ZNF728: variants seen among roughly 807,000 people sequenced by gnomAD.
ZNF728 encodes the protein zinc finger protein 728.
A neutral mutation model predicts 12.5 loss-of-function variants in ZNF728; 12 were observed. That is an observed-to-expected ratio of 0.96 (90% CI 0.61 to 1.55). The LOEUF (loss-of-function observed/expected upper bound fraction) is 1.55. Ranked by LOEUF, ZNF728 falls within the 40% of genes most tolerant of loss-of-function variation. The probability of loss-of-function intolerance (pLI) is 0.00; values close to 1 mark genes in which losing one functional copy is unlikely to be tolerated. For missense variants in ZNF728, 692 were observed against 719.2 expected, an observed-to-expected ratio of 0.96 and a Z score of 0.43; for synonymous variants, 205 against 240.7, an observed-to-expected ratio of 0.85 and a Z score of 1.37.
intron 1 of ZNF728, among the ~76,000 whole-genome samples, chr19:22,993,469 A>T (rs289296): frequency 0.12 from 17,940 of 152,220 alleles, 1,578 homozygotes; most frequent in African/African-American, 0.24. Flanking sequence ...ATTTTACCTT[A>T]AAAAAGCTGA....
intron 1 of ZNF728, among the ~76,000 whole-genome samples, chr19:23,000,901 C>T (rs1224508963): frequency 1.5e-5 from 2 of 131,906 alleles, no homozygotes; most frequent in Admixed American, 7.5e-5. Context: ...AAAAAAAAAA[C>T]CCTGAGGTCA....
intron 3 of ZNF728, among the ~76,000 whole-genome samples, chr19:22,983,084 T>C (rs1439728947): frequency 6.6e-6 from 1 of 151,572 alleles, no homozygotes; most frequent in Non-Finnish European, 1.5e-5. Context: ...ACCTACAGGA[T>C]GGGAGAAAAA....
intron 1 of ZNF728, among the ~76,000 whole-genome samples, chr19:22,992,056 T>C (rs2145347784): frequency 6.6e-6 from 1 of 152,274 alleles, no homozygotes; most frequent in South Asian, 2.1e-4. Context: ...CAATGACGAC[T>C]CTTCTAAGTT....
Position 22,975,866 on chromosome 19 carries a change from A to T in ZNF728, c.1471T>A (p.Trp491Arg), listed in dbSNP as rs778450723. 1 of 1,610,668 alleles carries T rather than the reference A, an allele frequency of 6.2e-7. No individual in the cohort carries two copies. The highest frequency in any genetic ancestry group is 1.3e-5 in the African/African-American group (1 of 74,334). ...TTATGTTCCATAAGGTTTGAGGACCACTTAAAGGCTTTGCCACATTCTTCA... is the reference window on the plus strand; with the variant it reads ...TTATGTTCCATAAGGTTTGAGGACCTCTTAAAGGCTTTGCCACATTCTTCA... The part of the protein sequence containing the change: ...KCEECGKAFK[W>R]SSNLMEHKRI... Residue 491 changes from tryptophan (W) to arginine (R), a missense_variant, in exon 4 of 4, where the codon TGG becomes AGG. This residue lies in a region of ZNF728 where 244 missense variants were observed against 235.2 expected (regional missense o/e 1.04). Transcript: ENST00000594710.
chr19:22,994,352 C>T (rs1277670581), intron 1 of ZNF728, among the ~76,000 whole-genome samples: 2 of 152,194 alleles, frequency 1.3e-5, no homozygotes, highest in Non-Finnish European at 2.9e-5. Flanking sequence ...TATGTGTTTA[C>T]ATTATGTCTG....
intron 1 of ZNF728, among the ~76,000 whole-genome samples, chr19:22,997,917 T>C (rs1470568409): frequency 6.6e-6 from 1 of 151,668 alleles, no homozygotes; most frequent in African/African-American, 2.4e-5. Context: ...CTAACAAGCA[T>C]ATAAAAAAAT....
intron 3 of ZNF728, among the ~76,000 whole-genome samples, chr19:22,986,728 GA>G (rs900293830): frequency 2.6e-5 from 4 of 151,540 alleles, no homozygotes; most frequent in Non-Finnish European, 5.9e-5. Flanking sequence ...TCACAGTAAT[GA>G]AAAATACAAT....
At chr19:22,994,527 AAGAC>A (rs1969028618) in intron 1 of ZNF728, among the ~76,000 whole-genome samples, 1 of 152,232 alleles carries the variant, frequency 6.6e-6, no homozygotes, top group East Asian at 1.9e-4. Context: ...CAAAGACAGA[AAGAC>A]AGTGACCATA....
chr19:22,980,008 A>G (rs1395307500), intron 3 of ZNF728, among the ~76,000 whole-genome samples: 1 of 152,152 alleles, frequency 6.6e-6, no homozygotes, highest in Non-Finnish European at 1.5e-5. Flanking sequence ...CACACATAAC[A>G]ACATTAACCT....
At position 22,975,532 on chromosome 19, in the gene ZNF728, T is replaced by C; in HGVS notation, c.1805A>G (p.Asn602Ser). ...YKCEECGKDF[N>S]QSSHLTTHKR... The stretch of plus-strand genomic sequence containing the variant: ...ATGAGTAGTAAGGTGTGAGGATTGG[T>C]TGAAGTCTTTACCACATTCTTCACA... The change falls in exon 4 of 4, where the codon AAC (asparagine) becomes AGC (serine). Residue 602 changes from asparagine to serine, a missense_variant. Physicochemically the swap from Asn to Ser is conservative, Grantham distance 46 (BLOSUM62 1). This residue lies in a region of ZNF728 where 244 missense variants were observed against 235.2 expected (regional missense o/e 1.04). Coordinates refer to ENST00000594710, the MANE Select transcript of ZNF728 (RefSeq NM_001267716.2). 6.4e-7 allele frequency: 1 copy of C among 1,573,292 alleles called. No homozygotes were observed.
intron 2 of ZNF728, 145 bp downstream of exon 2, chr19:22,988,180 A>AGT: frequency 1.4e-6 from 2 of 1,446,204 alleles, no homozygotes; most frequent in South Asian, 2.8e-5. Context: ...CTAGAAGCAA[A>AGT]GAGCCCCCTG....
intron 1 of ZNF728, among the ~76,000 whole-genome samples, chr19:23,000,385 C>CA (rs1396278260): frequency 1.6e-4 from 22 of 139,950 alleles, no homozygotes; most frequent in East Asian, 6.3e-4. Flanking sequence ...CTCAAAAAAA[C>CA]AAAAAAACAA....
intron 1 of ZNF728, among the ~76,000 whole-genome samples, chr19:22,991,366 T>C (rs1418869169): frequency 6.6e-6 from 1 of 152,228 alleles, no homozygotes; most frequent in Non-Finnish European, 1.5e-5. Flanking sequence ...CCAGCATTTT[T>C]ATTTCTATTT....
At chr19:23,000,865 C>CAAAA (rs879559395) in intron 1 of ZNF728, among the ~76,000 whole-genome samples, 610 of 32,420 alleles carry the variant, frequency 0.019, 4 homozygotes, top group African/African-American at 0.047. Flanking sequence ...AAAACACTGT[C>CAAAA]AAAAAAAAAA....
intron 3 of ZNF728, among the ~76,000 whole-genome samples, chr19:22,981,315 C>A (rs1192572988): frequency 6.6e-6 from 1 of 152,172 alleles, no homozygotes; most frequent in Non-Finnish European, 1.5e-5. Context: ...ATGCACCCTT[C>A]CAAGTCTAAA....
intron 3 of ZNF728, among the ~76,000 whole-genome samples, chr19:22,986,481 A>T (rs1417227523): frequency 6.6e-6 from 1 of 152,224 alleles, no homozygotes; most frequent in Non-Finnish European, 1.5e-5. Context: ...GATAAAATAG[A>T]GGAAGAAAAC....
chr19:22,975,564 G>C lies in ZNF728; in HGVS notation c.1773C>G (p.Phe591Leu), dbSNP rs760640837. 1 of 1,593,486 alleles carries C rather than the reference G, an allele frequency of 6.3e-7. No individual in the cohort carries two copies. Among genetic ancestry groups the C allele is most frequent in the African/African-American group, 1.3e-5 (1 of 74,112 alleles). ...CTTTACCACATTCTTCACATTTGTA[G>C]AATTTCTTTCCAGCATGAATTTTCT... is the stretch of plus-strand genomic sequence containing the variant. ...KHKKIHAGKK[F>L]YKCEECGKDF... is the part of the protein sequence containing the mutation. The change falls in exon 4 of 4, where the codon TTC (phenylalanine) becomes TTG (leucine). Residue 591 changes from phenylalanine (F) to leucine (L), a missense_variant. By Grantham distance (22) the Phe-to-Leu change is conservative. Around this residue, in one of 3 missense-constraint regions of ZNF728, gnomAD observed 244 missense variants for 235.2 expected, o/e 1.04. Transcript: ENST00000594710.
chr19:22,984,607 CACACACACAT>C (rs1568275706), intron 3 of ZNF728, among the ~76,000 whole-genome samples: 5 of 146,368 alleles, frequency 3.4e-5, no homozygotes, highest in African/African-American at 1.3e-4. Context: ...CACACACACA[CACACACACAT>C]ATACACACAC....
intron 1 of ZNF728, among the ~76,000 whole-genome samples, chr19:22,991,274 G>C (rs1568277241): frequency 6.6e-6 from 1 of 152,190 alleles, no homozygotes; most frequent in Non-Finnish European, 1.5e-5. Context: ...AGAGTGCTGT[G>C]ATAGCACATT....
Sources: gnomAD v4.1 joint callset for allele counts (sites outside exome capture counted in the v4.1 genomes callset) on GRCh38, gnomAD v4.1.1 for gene constraint, gnomAD v4.1.1 regional missense constraint, MANE v1.5 for transcripts, NCBI Gene and HGNC (gene_info 2026-07-23, HGNC 2026-07-21) for gene names.